Variants in NAA11 observed in about 807,000 individuals in gnomAD.
NAA11 encodes the protein N-alpha-acetyltransferase 11, NatA catalytic subunit, also known as N-alpha-acetyltransferase 11.
In NAA11, 15 loss-of-function variants were observed where a neutral mutation model predicts 16.1. The observed-to-expected ratio is 0.93, with a 90% CI of 0.62 to 1.44. NAA11 has a LOEUF of 1.44. Ranked by LOEUF, NAA11 falls within the 40% of genes most tolerant of loss-of-function variation. The pLI is 0.00. For synonymous variants in NAA11, 122 were observed against 112.4 expected, an observed-to-expected ratio of 1.09 and a Z score of -0.54; for missense variants, 298 against 291.3, an observed-to-expected ratio of 1.02 and a Z score of -0.17.
intron 2 of NAA11, among the ~76,000 whole-genome samples, chr4:79,272,011 C>T (rs1722505453): frequency 6.6e-6 from 1 of 151,552 alleles, no homozygotes. Flanking sequence ...CACACACACA[C>T]ATATATATAC....
At chr4:79,324,678 C>T (rs1724202877) in intron 1 of NAA11, among the ~76,000 whole-genome samples, 1 of 152,172 alleles carries the variant, frequency 6.6e-6, no homozygotes, top group Non-Finnish European at 1.5e-5. Context: ...ATATTTGTCT[C>T]CACGTTTAGT....
chr4:79,250,841 T>C (rs1721978263), intron 2 of NAA11, among the ~76,000 whole-genome samples: 1 of 152,098 alleles, frequency 6.6e-6, no homozygotes, highest in Admixed American at 6.5e-5. Flanking sequence ...AAAGAAGACA[T>C]ACATGGGCCC....
intron 2 of NAA11, among the ~76,000 whole-genome samples, chr4:79,263,604 A>C (rs1722283125): frequency 6.6e-6 from 1 of 152,208 alleles, no homozygotes; most frequent in Non-Finnish European, 1.5e-5. Context: ...TTGTACGATT[A>C]TGAATTTATC....
chr4:79,175,532 C>T, the NAA11 span, among the ~76,000 whole-genome samples: 6 of 152,100 alleles, frequency 3.9e-5, no homozygotes, highest in South Asian at 8.3e-4. Context: ...ATAATTTGCG[C>T]TGTATAACAA....
intron 2 of NAA11, among the ~76,000 whole-genome samples, chr4:79,270,681 TG>T (rs1158292636): frequency 1.2e-5 from 1 of 86,786 alleles, no homozygotes; most frequent in East Asian, 2.3e-4. Flanking sequence ...TTATCCACCA[TG>T]ATCAAGTGGG....
At chr4:79,318,847 T>C (rs1346078669) in intron 1 of NAA11, among the ~76,000 whole-genome samples, 1 of 152,164 alleles carries the variant, frequency 6.6e-6, no homozygotes, top group African/African-American at 2.4e-5. Flanking sequence ...AACACTGTAA[T>C]AAAGGCTATA....
chr4:79,202,944 C>T, the NAA11 span, among the ~76,000 whole-genome samples: 10 of 151,282 alleles, frequency 6.6e-5, no homozygotes, highest in African/African-American at 2.4e-4. Flanking sequence ...ATGTTGAAAA[C>T]ATTGCATGTG....
At chr4:79,182,744 A>G in the NAA11 span, among the ~76,000 whole-genome samples, 1 of 152,298 alleles carries the variant, frequency 6.6e-6, no homozygotes, top group African/African-American at 2.4e-5. Flanking sequence ...GGGGGGGACC[A>G]ATGGCAACTT....
chr4:79,285,930 T>C (rs1722898081), intron 2 of NAA11, among the ~76,000 whole-genome samples: 1 of 152,054 alleles, frequency 6.6e-6, no homozygotes, highest in African/African-American at 2.4e-5. Flanking sequence ...GTGTATTATA[T>C]AACTGCCATA....
At chr4:79,277,053 A>C (rs1362655997) in intron 2 of NAA11, among the ~76,000 whole-genome samples, 1 of 152,146 alleles carries the variant, frequency 6.6e-6, no homozygotes, top group Non-Finnish European at 1.5e-5. Context: ...CAGAAAGAGG[A>C]GGAGTTTGCA....
chr4:79,171,991 G>A, the NAA11 span, among the ~76,000 whole-genome samples: 1 of 152,216 alleles, frequency 6.6e-6, no homozygotes, highest in Admixed American at 6.5e-5. Context: ...TATTTTATGA[G>A]TGTAGAAAGT....
At chr4:79,284,513 T>C (rs1279819299) in intron 2 of NAA11, among the ~76,000 whole-genome samples, 5 of 152,096 alleles carry the variant, frequency 3.3e-5, no homozygotes, top group Non-Finnish European at 7.4e-5. Flanking sequence ...TCATCATAGG[T>C]AACAGCCTCT....
the NAA11 span, among the ~76,000 whole-genome samples, chr4:79,165,374 G>C: frequency 8.5e-5 from 13 of 152,300 alleles, no homozygotes; most frequent in African/African-American, 3.1e-4. Flanking sequence ...CTAAACTGCA[G>C]GCTTGGGAAA....
At chr4:79,287,493 T>C (rs138985867) in intron 2 of NAA11, among the ~76,000 whole-genome samples, 89 of 152,228 alleles carry the variant, frequency 5.8e-4, no homozygotes, top group African/African-American at 2.0e-3. Flanking sequence ...CTTTTGGATA[T>C]TCAGTGGCCA....
the NAA11 span, among the ~76,000 whole-genome samples, chr4:79,183,772 A>G: frequency 6.6e-6 from 1 of 152,120 alleles, no homozygotes; most frequent in Non-Finnish European, 1.5e-5. Context: ...TAAGGAAAAT[A>G]CGATCTATTT....
chr4:79,205,224 G>A, the NAA11 span, among the ~76,000 whole-genome samples: 2 of 151,962 alleles, frequency 1.3e-5, no homozygotes, highest in Non-Finnish European at 2.9e-5. Context: ...TCTGCTTTTC[G>A]TTCTTTGAGA....
the NAA11 span, among the ~76,000 whole-genome samples, chr4:79,174,491 C>T: frequency 2.0e-5 from 3 of 152,070 alleles, no homozygotes; most frequent in Non-Finnish European, 4.4e-5. Flanking sequence ...ATGAAGGTTA[C>T]ACCCTGCTGT....
In NAA11 at chr4:79,316,679, G is replaced by T. The variant is rs183053373; in HGVS notation, c.*1125C>A. ...TTATCTGGTAACTTTTACTGCAGAG[G>T]TCAAGGTACTTTGTCTTCACTTATT... is the stretch of plus-strand genomic sequence containing the variant. On this transcript the variant is annotated 3_prime_UTR_variant, in exon 2 of 2. Transcript: ENST00000286794. 6.6e-5 allele frequency: 10 copies of T among 152,074 alleles called. No homozygotes were observed. The East Asian group carries it at 9.7e-4, about 15-fold the overall frequency. The allele number at this position is 152,074 out of a possible 1,614,324, so 9.4% of individuals were successfully genotyped here.
intron 2 of NAA11, among the ~76,000 whole-genome samples, chr4:79,248,212 G>A (rs555593056): frequency 5.3e-5 from 8 of 152,152 alleles, no homozygotes; most frequent in African/African-American, 7.2e-5. Context: ...CAGGTAGACC[G>A]GGCCTAATTG....
Sources: gnomAD v4.1 joint callset for allele counts (sites outside exome capture counted in the v4.1 genomes callset) on GRCh38, gnomAD v4.1.1 for gene constraint, MANE v1.5 for transcripts, NCBI Gene and HGNC (gene_info 2026-07-23, HGNC 2026-07-21) for gene names.